PPEF1: variants seen among roughly 807,000 people sequenced by gnomAD.
PPEF1 encodes the protein protein phosphatase with EF-hand domain 1.
In PPEF1, 12 loss-of-function variants were observed where a neutral mutation model predicts 53.3. The ratio of observed to expected loss-of-function variants is 0.23; its 90% CI spans 0.14 to 0.36. The LOEUF (loss-of-function observed/expected upper bound fraction) is 0.36, where lower values mean the gene tolerates loss of function less well. PPEF1 is among the 10% of genes least tolerant of loss of function. The pLI, the probability that PPEF1 is intolerant of heterozygous loss-of-function variation, is 1.00. For synonymous variants in PPEF1, 165 were observed against 176.7 expected, an observed-to-expected ratio of 0.93 and a Z score of 0.52; for missense variants, 334 against 490.4, an observed-to-expected ratio of 0.68 and a Z score of 3.01.
chrX:18,796,604 C>G (rs1402559459), intron 10 of PPEF1, among the ~76,000 whole-genome samples: 2 of 111,939 alleles, frequency 1.8e-5, no homozygotes, highest in Non-Finnish European at 3.8e-5. Flanking sequence ...AAAGAAACCT[C>G]TTTTTCTTGA....
chrX:18,676,991 G>T (rs1400050368), intron 1 of PPEF1, among the ~76,000 whole-genome samples: 1 of 107,700 alleles, frequency 9.3e-6, no homozygotes, highest in East Asian at 2.9e-4. Flanking sequence ...GAGGGAAACT[G>T]TGTTCTGTTC....
chrX:18,690,668 C>G (rs1218279040), intron 3 of PPEF1, among the ~76,000 whole-genome samples: 1 of 112,549 alleles, frequency 8.9e-6, no homozygotes, highest in South Asian at 3.6e-4. Flanking sequence ...AGCCATCGTG[C>G]CTGGCCCAGG....
chrX:18,731,410 A>G (rs771266606), intron 2 of PPEF1, among the ~76,000 whole-genome samples: 29 of 112,476 alleles, frequency 2.6e-4, no homozygotes, highest in Non-Finnish European at 4.9e-4. Context: ...TGCTAGATTT[A>G]TTTTTGGCAG....
intron 11 of PPEF1, among the ~76,000 whole-genome samples, chrX:18,805,107 C>T (rs2046632918): frequency 9.1e-6 from 1 of 109,437 alleles, no homozygotes; most frequent in South Asian, 4.2e-4. Context: ...TTGCCTCATG[C>T]TCCCGAGAAG....
chrX:18,730,151 C>T, intron 1 of PPEF1, 30 bp from the exon 2 acceptor site: 1 of 1,183,331 alleles, frequency 8.5e-7, no homozygotes, highest in Non-Finnish European at 1.1e-6. Flanking sequence ...AACTGTTTTT[C>T]TTTGACTTTC....
upstream of PPEF1, among the ~76,000 whole-genome samples, chrX:18,681,642 A>G (rs1305803422): frequency 1.8e-5 from 2 of 111,929 alleles, no homozygotes; most frequent in Non-Finnish European, 3.8e-5. Flanking sequence ...TTGGTTGCAT[A>G]CAACAGAATC....
intron 3 of PPEF1, among the ~76,000 whole-genome samples, chrX:18,738,365 G>T (rs1422628658): frequency 1.8e-5 from 2 of 111,341 alleles, no homozygotes; most frequent in Admixed American, 9.6e-5. Flanking sequence ...AAAGGATTTT[G>T]TTTCTCCTTC....
intron 1 of PPEF1, among the ~76,000 whole-genome samples, chrX:18,711,208 C>G (rs1279499409): frequency 1.9e-5 from 2 of 103,407 alleles, no homozygotes; most frequent in African/African-American, 7.1e-5. Context: ...TGAAATTACT[C>G]AAAAAACAGA....
chrX:18,748,705 G>A (rs775310072), intron 3 of PPEF1, among the ~76,000 whole-genome samples: 1 of 112,001 alleles, frequency 8.9e-6, no homozygotes, highest in East Asian at 2.8e-4. Flanking sequence ...GGGGCTGATC[G>A]AGGACAACCT....
intron 3 of PPEF1, among the ~76,000 whole-genome samples, chrX:18,686,839 T>C (rs1418234185): frequency 9.6e-6 from 1 of 104,695 alleles, no homozygotes; most frequent in African/African-American, 3.4e-5. Flanking sequence ...CTGCCTGAAA[T>C]AAGGTAAATA....
At chrX:18,766,819 C>T (rs925180620) in intron 6 of PPEF1, among the ~76,000 whole-genome samples, 2 of 112,050 alleles carry the variant, frequency 1.8e-5, no homozygotes, top group Non-Finnish European at 1.9e-5. Context: ...GAGGCTGAGG[C>T]GGGTGGATCA....
At chrX:18,757,491 T>A in intron 4 of PPEF1, 136 bp from the exon 5 acceptor site, 1 of 482,218 alleles carries the variant, frequency 2.1e-6, no homozygotes, top group East Asian at 3.5e-5. Flanking sequence ...AATGATCTAT[T>A]TCAGAATAAT....
intron 10 of PPEF1, among the ~76,000 whole-genome samples, chrX:18,798,781 G>A (rs2046484126): frequency 9.0e-6 from 1 of 110,978 alleles, no homozygotes; most frequent in Non-Finnish European, 1.9e-5. Context: ...CTGCCACCAC[G>A]TCCGGCTAAT....
At chrX:18,745,152 T>TA (rs1188318870) in intron 3 of PPEF1, among the ~76,000 whole-genome samples, 1 of 94,249 alleles carries the variant, frequency 1.1e-5, no homozygotes, top group African/African-American at 3.9e-5. Flanking sequence ...ATATATTATA[T>TA]ATTATAATAT....
chrX:18,730,340 T>C (rs368328736), intron 2 of PPEF1, 32 bp downstream of exon 2: 1 of 1,190,705 alleles, frequency 8.4e-7, no homozygotes, highest in African/African-American at 1.8e-5. Flanking sequence ...CTTCTTTTGA[T>C]AAAATGATTC....
chrX:18,693,359 C>T (rs1385064838), intron 4 of PPEF1, among the ~76,000 whole-genome samples: 2 of 111,785 alleles, frequency 1.8e-5, no homozygotes, highest in African/African-American at 6.5e-5. Context: ...TTGCTGTGTA[C>T]TCTATGTATC....
intron 3 of PPEF1, among the ~76,000 whole-genome samples, chrX:18,690,707 A>T (rs930174462): frequency 1.8e-5 from 2 of 112,529 alleles, no homozygotes; most frequent in African/African-American, 6.4e-5. Context: ...CCTCCAAGAA[A>T]CAAACTTTTC....
At chrX:18,710,971 TG>T (rs2044309128) in intron 1 of PPEF1, among the ~76,000 whole-genome samples, 1 of 108,770 alleles carries the variant, frequency 9.2e-6, no homozygotes, top group Non-Finnish European at 1.9e-5. Flanking sequence ...AAATGTGTGG[TG>T]TATGTATATG....
chrX:18,751,534 T>A (rs1602413261), intron 4 of PPEF1, among the ~76,000 whole-genome samples: 1 of 111,645 alleles, frequency 9.0e-6, no homozygotes, highest in South Asian at 3.7e-4. Flanking sequence ...AATCCCAACA[T>A]TTTGGGAGGC....
Sources: allele counts gnomAD v4.1 joint callset (sites outside exome capture counted in the v4.1 genomes callset), GRCh38; gene constraint gnomAD v4.1.1; transcripts MANE v1.5; gene names NCBI Gene and HGNC (gene_info 2026-07-23, HGNC 2026-07-21).